LPO: variants seen among roughly 807,000 people sequenced by gnomAD.
The protein encoded by LPO is lactoperoxidase, also known as salivary peroxidase.
Under a neutral mutation model 68.4 loss-of-function variants are expected in LPO, and 70 were observed. The observed-to-expected ratio is 1.02, with a 90% confidence interval of 0.84 to 1.25. The LOEUF (loss-of-function observed/expected upper bound fraction) is 1.25, where lower values mean the gene tolerates loss of function less well. Among genes scored for constraint, LPO ranks in the 50% most tolerant of loss-of-function variants. LPO has a pLI of 0.00. For synonymous variants in LPO, 360 were observed against 357.6 expected (o/e 1.01, Z -0.08); for missense variants, 873 against 908.4 (o/e 0.96, Z 0.50).
intron 8 of LPO, among the ~76,000 whole-genome samples, chr17:58,252,883 C>T (rs753622235): frequency 1.2e-4 from 18 of 151,692 alleles, no homozygotes; most frequent in Non-Finnish European, 2.2e-4. Context: ...ATTAGCCGGG[C>T]GTGGTGGCAC....
chr17:58,249,764 A>G (rs8178334), intron 6 of LPO, 69 bp downstream of exon 6: 1 of 1,488,272 alleles, frequency 6.7e-7, no homozygotes, highest in Non-Finnish European at 8.9e-7. Context: ...CCAAACACGC[A>G]GTGAAAGGAG....
chr17:58,267,891 T>G lies in LPO; in HGVS notation c.2036T>G (p.Val679Gly). ...LVCDNTRITK[V>G]PRDPFWANSY... ...TGTGACAACACCCGCATCACCAAGG[T>G]CCCACGGGACCCATTCTGGGCCAAC... Residue 679 changes from valine to glycine, a missense_variant, in exon 13 of 13, where the codon GTC becomes GGC. By Grantham distance (109) the Val-to-Gly change is moderately radical. Coordinates refer to ENST00000262290, the MANE Select transcript of LPO (RefSeq NM_006151.3). 1.2e-6 allele frequency: 2 copies of G among 1,614,054 alleles called. No individual in the cohort carries two copies. Among genetic ancestry groups the G allele is most frequent in the Non-Finnish European group, 1.7e-6 (2 of 1,179,994 alleles).
chr17:58,254,218 G>A (rs542133732), intron 8 of LPO, among the ~76,000 whole-genome samples: 1 of 148,572 alleles, frequency 6.7e-6, no homozygotes, highest in Non-Finnish European at 1.5e-5. Context: ...AGAGGGCACA[G>A]GGAGAAGTCC....
Position 58,242,997 on chromosome 17 carries a change from T to C in LPO, c.18T>C (p.His6=). The change falls in exon 2 of 13, where the codon CAT becomes CAC. Residue 6 remains histidine (H), a synonymous_variant. Coordinates refer to ENST00000262290, the MANE Select transcript of LPO (RefSeq NM_006151.3). ...TTTCAGTGATGAGGGTCCTTCTCCATCTCCCAGCCCTCCTGGCTTCCCTCA... is the reference window on the plus strand; with the variant it reads ...TTTCAGTGATGAGGGTCCTTCTCCACCTCCCAGCCCTCCTGGCTTCCCTCA... MRVLL[H]LPALLASLIL... 6.2e-7 allele frequency: 1 copy of C among 1,614,038 alleles called. No individual in the cohort carries two copies. Among genetic ancestry groups the C allele is most frequent in the Non-Finnish European group, 8.5e-7 (1 of 1,180,004 alleles).
chr17:58,265,022 G>A, intron 10 of LPO, 48 bp downstream of exon 10: 1 of 1,600,592 alleles, frequency 6.2e-7, no homozygotes, highest in South Asian at 1.1e-5. Context: ...CCACTCCGCA[G>A]CCTATTGTAG....
intron 1 of LPO, among the ~76,000 whole-genome samples, chr17:58,241,591 C>T (rs913178365): frequency 7.9e-5 from 12 of 152,118 alleles, no homozygotes; most frequent in Admixed American, 2.6e-4. Flanking sequence ...CTCCTTGGGG[C>T]CATACAACTA....
At chr17:58,246,507 C>T (rs1267673161) in intron 3 of LPO, among the ~76,000 whole-genome samples, 3 of 152,146 alleles carry the variant, frequency 2.0e-5, no homozygotes, top group Admixed American at 2.0e-4. Context: ...CAGAGCCCAG[C>T]CCCAGGGCAG....
In LPO at chr17:58,267,503, G is replaced by C; in HGVS notation, c.1848G>C (p.Glu616Asp). Residue 616 changes from glutamate (E) to aspartate (D), a missense_variant, in exon 12 of 13, where the codon GAG becomes GAC. Coordinates refer to ENST00000262290, the MANE Select transcript of LPO (RefSeq NM_006151.3). ...ACATCTGGATAGGGGCCATTGCTGA[G>C]CCGCTGGTGGAAAGGGGTCGGGTGG... is the stretch of plus-strand genomic sequence containing the variant. ...NIDIWIGAIAEPLVERGRVGP... is the reference protein window; with the variant it reads ...NIDIWIGAIADPLVERGRVGP... 3 of 1,614,208 alleles carry C rather than the reference G, an allele frequency of 1.9e-6. No individual in the cohort carries two copies. The highest frequency in any genetic ancestry group is 2.5e-6 in the Non-Finnish European group (3 of 1,180,036).
Position 58,256,759 on chromosome 17 carries a change from G to A in LPO, c.1266+1788G>A, listed in dbSNP as rs186219833. 1.1e-3 allele frequency among the ~76,000 whole-genome samples: 173 copies of A among 151,258 alleles called. 2 individuals carry two copies. The highest frequency in any genetic ancestry group is 3.8e-3 in the African/African-American group (158 of 41,142). On this transcript the variant is annotated intron_variant, in intron 9 of 12. Coordinates refer to ENST00000262290, the MANE Select transcript of LPO (RefSeq NM_006151.3). Reference sequence around the variant, plus strand: ...AACCCAGGAGGTGGAGGTAGGAGGCGGAGGTTGCAGTGAGCCAGGATCACA... The same window carrying A: ...AACCCAGGAGGTGGAGGTAGGAGGCAGAGGTTGCAGTGAGCCAGGATCACA...
intron 9 of LPO, among the ~76,000 whole-genome samples, chr17:58,257,201 T>C (rs899848119): frequency 6.6e-6 from 1 of 151,990 alleles, no homozygotes; most frequent in East Asian, 1.9e-4. Flanking sequence ...CCCAAAATGC[T>C]GAGATTACAG....
Position 58,247,560 on chromosome 17 carries a change from A to T in LPO, c.247A>T (p.Thr83Ser). ...YLKHAKGRTRTAIRNGQVWEE... is the reference protein window; with the variant it reads ...YLKHAKGRTRSAIRNGQVWEE... ...CAAGCATGCCAAAGGCCGGACGCGC[A>T]CAGCCATCCGCAATGGACAGGTGTG... The change falls in exon 4 of 13, where the codon ACA becomes TCA. Residue 83 changes from threonine to serine, a missense_variant. Coordinates refer to ENST00000262290, the MANE Select transcript of LPO (RefSeq NM_006151.3). 1 of 1,614,184 alleles carries T rather than the reference A, an allele frequency of 6.2e-7. No individual in the cohort carries two copies. Among genetic ancestry groups the T allele is most frequent in the Non-Finnish European group, 8.5e-7 (1 of 1,180,036 alleles).
At chr17:58,252,045 T>C in intron 7 of LPO, 137 bp from the exon 8 acceptor site, 1 of 784,378 alleles carries the variant, frequency 1.3e-6, no homozygotes, top group African/African-American at 1.7e-5. Flanking sequence ...GCAAGAAGTG[T>C]CTGGGGTCAG....
chr17:58,268,346 A>C lies in LPO; in HGVS notation c.*352A>C. ...ACCTAGATTGTAAGCTCCCTGGGCCAGGACTTCAGCCTGCCTCCGAGGGTC... is the reference window on the plus strand; with the variant it reads ...ACCTAGATTGTAAGCTCCCTGGGCCCGGACTTCAGCCTGCCTCCGAGGGTC... On this transcript the variant is annotated 3_prime_UTR_variant, in exon 13 of 13. Coordinates refer to ENST00000262290, the MANE Select transcript of LPO (RefSeq NM_006151.3). The C allele has an allele frequency of 3.4e-6, 1 of 296,804 alleles. No homozygotes were observed. The highest frequency in any genetic ancestry group is 4.8e-5 in the Admixed American group (1 of 20,688). 18.4% of individuals were successfully genotyped at this position (296,804 alleles called of 1,614,324 possible).
intron 6 of LPO, 115 bp downstream of exon 6, chr17:58,249,810 T>C (rs1172781795): frequency 1.5e-6 from 2 of 1,362,170 alleles, no homozygotes; most frequent in Non-Finnish European, 1.9e-6. Context: ...GGGTGCGCGA[T>C]GGAGATCTGC....
chr17:58,254,148 G>GATAT (rs1555605279), intron 8 of LPO, among the ~76,000 whole-genome samples: 1 of 95,434 alleles, frequency 1.0e-5, no homozygotes, highest in South Asian at 3.6e-4. Context: ...TAGATATATA[G>GATAT]ATATATAGAT....
At chr17:58,262,954 A>G (rs778770843) in intron 9 of LPO, among the ~76,000 whole-genome samples, 1 of 152,150 alleles carries the variant, frequency 6.6e-6, no homozygotes, top group Non-Finnish European at 1.5e-5. Flanking sequence ...CTGGAACTCC[A>G]TTGATATGAA....
At chr17:58,249,806 G>A in intron 6 of LPO, 111 bp downstream of exon 6, 1 of 1,375,994 alleles carries the variant, frequency 7.3e-7, no homozygotes, top group Non-Finnish European at 9.5e-7. Context: ...GCAGGGGTGC[G>A]CGATGGAGAT....
At chr17:58,267,701 T>A (rs2143954850) in intron 12 of LPO, 86 bp from the exon 13 acceptor site, 2 of 1,473,836 alleles carry the variant, frequency 1.4e-6, no homozygotes, top group East Asian at 2.3e-5. Context: ...CTTTTCATGG[T>A]CCCTGTGACC....
intron 3 of LPO, among the ~76,000 whole-genome samples, chr17:58,244,708 G>A (rs1969822601): frequency 6.6e-6 from 1 of 152,242 alleles, no homozygotes; most frequent in South Asian, 2.1e-4. Context: ...GCTTGCAGGT[G>A]GCTGAGAGGT....
Sources: gnomAD v4.1 joint callset for allele counts (sites outside exome capture counted in the v4.1 genomes callset) on GRCh38, gnomAD v4.1.1 for gene constraint, MANE v1.5 for transcripts, NCBI Gene and HGNC (gene_info 2026-07-23, HGNC 2026-07-21) for gene names.